The following ERCC6L2 variants were observed in gnomAD, a reference collection of about 807,000 sequenced individuals.
ERCC6L2 encodes ERCC excision repair 6 like 2.
A neutral mutation model predicts 132.0 loss-of-function variants in ERCC6L2; 77 were observed. The ratio of observed to expected loss-of-function variants is 0.58; its 90% CI spans 0.49 to 0.71. The LOEUF is 0.71. ERCC6L2 is among the 30% of genes least tolerant of loss of function. The probability of loss-of-function intolerance (pLI) is 0.00; values close to 1 mark genes in which losing one functional copy is unlikely to be tolerated. For missense variants in ERCC6L2, 1,542 were observed against 1,837.6 expected (o/e 0.84, Z 2.94); for synonymous variants, 583 against 632.4 (o/e 0.92, Z 1.17).
rs771284265 is a variant in ERCC6L2 at position 95,875,980 on chromosome 9, G to A, written c.-59G>A. On this transcript the variant is annotated 5_prime_UTR_variant, in exon 1 of 19. Coordinates refer to ENST00000653738, the MANE Select transcript of ERCC6L2 (RefSeq NM_020207.7). ...TGGCCTGCCGGCCAGCCACCTTGCT[G>A]TCCTCCGCCGCCTTCCGGGTGTTAC... 9 of 1,545,870 alleles carry A rather than the reference G, an allele frequency of 5.8e-6. No individual in the cohort carries two copies. Among genetic ancestry groups the A allele is most frequent in the African/African-American group, 5.5e-5 (4 of 73,108 alleles).
At chr9:96,000,768 A>C (rs982766212) in intron 17 of ERCC6L2, among the ~76,000 whole-genome samples, 1 of 152,216 alleles carries the variant, frequency 6.6e-6, no homozygotes, top group African/African-American at 2.4e-5. Flanking sequence ...GCGACATAGC[A>C]AGACCCCATG....
chr9:95,952,037 G>A (rs1042649305), intron 12 of ERCC6L2, among the ~76,000 whole-genome samples: 7 of 151,626 alleles, frequency 4.6e-5, no homozygotes, highest in East Asian at 1.9e-4. Context: ...GCGTGGTGGC[G>A]TGTGCCTGTA....
At chr9:95,877,738 G>A (rs905604424) in intron 1 of ERCC6L2, among the ~76,000 whole-genome samples, 9 of 151,636 alleles carry the variant, frequency 5.9e-5, no homozygotes, top group African/African-American at 2.2e-4. Flanking sequence ...CTCAGGAGTT[G>A]GAGTTTACAG....
intron 17 of ERCC6L2, among the ~76,000 whole-genome samples, chr9:95,992,362 G>C (rs947833605): frequency 1.3e-5 from 2 of 152,088 alleles, no homozygotes; most frequent in Non-Finnish European, 2.9e-5. Flanking sequence ...AGACCAAAAA[G>C]CTTCAGAACT....
At chr9:95,955,758 T>A (rs1053444438) in intron 12 of ERCC6L2, among the ~76,000 whole-genome samples, 156 bp from the exon 13 acceptor site, 1 of 152,208 alleles carries the variant, frequency 6.6e-6, no homozygotes, top group Non-Finnish European at 1.5e-5. Flanking sequence ...GTTTGAATTT[T>A]TGAATTATTA....
chr9:96,033,524 C>T (rs914166686), intron 19 of ERCC6L2, among the ~76,000 whole-genome samples: 5 of 152,172 alleles, frequency 3.3e-5, no homozygotes, highest in African/African-American at 7.2e-5. Context: ...TGGGATAACA[C>T]GTGTGAACCA....
intron 15 of ERCC6L2, chr9:95,971,523 T>C (rs1025402845): frequency 6.5e-6 from 1 of 152,768 alleles, no homozygotes; most frequent in African/African-American, 2.4e-5. Flanking sequence ...TTAACTCCTG[T>C]AATCTGTCTT....
rs754997887 is a variant in ERCC6L2 at position 95,921,228 on chromosome 9, A to T, written c.1212A>T (p.Leu404Phe). 1.2e-6 allele frequency: 2 copies of T among 1,613,552 alleles called. No homozygotes were observed. The highest frequency in any genetic ancestry group is 1.7e-6 in the Non-Finnish European group (2 of 1,179,556). Residue 404 changes from leucine (L) to phenylalanine (F), a missense_variant, in exon 7 of 19, where the codon TTA becomes TTT. Leu to Phe is a conservative substitution (Grantham distance 22). Coordinates refer to ENST00000653738, the MANE Select transcript of ERCC6L2 (RefSeq NM_020207.7). ...AGAAAGCTGTCTATCAAACAGTGTT[A>T]GAAACAGAGGACGTGACTTTGATAC... ...DFQKAVYQTVLETEDVTLILQ... is the reference protein window; with the variant it reads ...DFQKAVYQTVFETEDVTLILQ...
rs557992126 is a variant in ERCC6L2 at position 95,885,760 on chromosome 9, C to A, written c.471+4467C>A. Among the ~76,000 whole-genome samples the A allele has an allele frequency of 1.7e-3, 252 of 152,020 alleles. 1 individual carries two copies. Among genetic ancestry groups the A allele is most frequent in the Non-Finnish European group, 2.2e-3 (147 of 67,996 alleles). On this transcript the variant is annotated intron_variant, in intron 2 of 18. Coordinates refer to ENST00000653738, the MANE Select transcript of ERCC6L2 (RefSeq NM_020207.7). ...ATTTGGGTCAGCAGCATTAGTGTCACCTGGGAACTTGTTAGGATTGTAAAT... is the reference window on the plus strand; with the variant it reads ...ATTTGGGTCAGCAGCATTAGTGTCAACTGGGAACTTGTTAGGATTGTAAAT...
intron 12 of ERCC6L2, among the ~76,000 whole-genome samples, chr9:95,947,298 A>G (rs958549433): frequency 1.3e-5 from 2 of 152,230 alleles, no homozygotes; most frequent in African/African-American, 4.8e-5. Flanking sequence ...TCAAAGATCA[A>G]ACCAGCCACA....
chr9:96,003,633 G>C (rs1050659897), intron 17 of ERCC6L2, among the ~76,000 whole-genome samples: 1 of 152,116 alleles, frequency 6.6e-6, no homozygotes, highest in East Asian at 1.9e-4. Flanking sequence ...ATAGACTATA[G>C]CACCCACATG....
chr9:96,000,243 T>C (rs1234500537), intron 17 of ERCC6L2, among the ~76,000 whole-genome samples: 2 of 152,218 alleles, frequency 1.3e-5, no homozygotes, highest in Admixed American at 6.5e-5. Flanking sequence ...ATTACTGATA[T>C]AAAGCCCTGG....
At chr9:95,888,727 G>T (rs1828005611) in intron 2 of ERCC6L2, among the ~76,000 whole-genome samples, 1 of 152,166 alleles carries the variant, frequency 6.6e-6, no homozygotes, top group Admixed American at 6.5e-5. Flanking sequence ...AGTGGAGCTT[G>T]TGACTGGGTT....
intron 12 of ERCC6L2, among the ~76,000 whole-genome samples, chr9:95,953,005 A>T (rs972176641): frequency 5.3e-5 from 8 of 152,178 alleles, no homozygotes; most frequent in Admixed American, 3.3e-4. Context: ...GTATGATTTC[A>T]TGTTGTACCT....
chr9:95,893,323 T>A (rs993155654), intron 2 of ERCC6L2, among the ~76,000 whole-genome samples: 1 of 152,214 alleles, frequency 6.6e-6, no homozygotes, highest in Non-Finnish European at 1.5e-5. Flanking sequence ...ATATATTATT[T>A]CCTTTTTTAA....
At chr9:96,001,009 T>C (rs1833652011) in intron 17 of ERCC6L2, among the ~76,000 whole-genome samples, 1 of 152,110 alleles carries the variant, frequency 6.6e-6, no homozygotes, top group Non-Finnish European at 1.5e-5. Context: ...GGTGGGTTCA[T>C]GGTCTCGCTG....
rs374345449 is a variant in ERCC6L2, at chr9:95,984,949, C to T, written c.3492+6734C>T. On this transcript the variant is annotated intron_variant, in intron 17 of 18. Coordinates refer to ENST00000653738, the MANE Select transcript of ERCC6L2 (RefSeq NM_020207.7). ...AATCAGTCAGGGGAATGATCTCTTTCTCTCAGTGAGAAGTGTTTTCAGGTT... is the reference window on the plus strand; with the variant it reads ...AATCAGTCAGGGGAATGATCTCTTTTTCTCAGTGAGAAGTGTTTTCAGGTT... Among the ~76,000 whole-genome samples the T allele has an allele frequency of 2.4e-3, 359 of 151,882 alleles. 1 individual carries two copies. The highest frequency in any genetic ancestry group is 0.014 in the Middle Eastern group (4 of 290).
rs140078259 is a variant in ERCC6L2 at position 95,916,373 on chromosome 9, G to A, written c.1097G>A (p.Gly366Asp). 2 of 1,609,162 alleles carry A rather than the reference G, an allele frequency of 1.2e-6. No homozygotes were observed. The highest frequency in any genetic ancestry group is 2.7e-5 in the African/African-American group (2 of 74,438). ...AMQRLAKKMS[G>D]WFLRRTKTLI... ...CAAAGACTTGCCAAAAAGATGTCTGGCTGGTTTCTCAGGCGCACCAAGACT... is the reference window on the plus strand; with the variant it reads ...CAAAGACTTGCCAAAAAGATGTCTGACTGGTTTCTCAGGCGCACCAAGACT... Residue 366 changes from glycine to aspartate, a missense_variant, in exon 6 of 19, where the codon GGC (glycine) becomes GAC (aspartate). By Grantham distance (94) the Gly-to-Asp change is moderately conservative (BLOSUM62 -1). Transcript: ENST00000653738.
intron 17 of ERCC6L2, among the ~76,000 whole-genome samples, chr9:95,992,012 A>G (rs941283466): frequency 2.6e-5 from 4 of 152,186 alleles, no homozygotes; most frequent in African/African-American, 9.7e-5. Context: ...TTCTAACTAC[A>G]TATCTGTATG....
Sources: gnomAD v4.1 joint callset for allele counts (sites outside exome capture counted in the v4.1 genomes callset) on GRCh38, gnomAD v4.1.1 for gene constraint, MANE v1.5 for transcripts, NCBI Gene and HGNC (gene_info 2026-07-23, HGNC 2026-07-21) for gene names.